The following SLCO2A1 variants were observed in gnomAD, a reference collection of about 807,000 sequenced individuals.
SLCO2A1 encodes the protein matrin F/G 1.
In SLCO2A1, 60 loss-of-function variants were observed where a neutral mutation model predicts 71.7. That is an observed-to-expected ratio of 0.84 (90% CI 0.68 to 1.04). The LOEUF (loss-of-function observed/expected upper bound fraction) is 1.04, where lower values mean the gene tolerates loss of function less well. Ranked by LOEUF, SLCO2A1 falls within the 50% of genes least tolerant of loss-of-function variation. The pLI, the probability that SLCO2A1 is intolerant of heterozygous loss-of-function variation, is 0.00. For synonymous variants in SLCO2A1, 308 were observed against 326.7 expected (o/e 0.94, Z 0.62); for missense variants, 745 against 813.4 (o/e 0.92, Z 1.02).
chr3:133,971,549 G>A (rs997597779), intron 3 of SLCO2A1, among the ~76,000 whole-genome samples: 8 of 152,098 alleles, frequency 5.3e-5, no homozygotes, highest in Admixed American at 1.3e-4. Context: ...CAGGCACTTC[G>A]TTCTCTCCAT....
chr3:133,973,490 T>C (rs1342938563), intron 3 of SLCO2A1, among the ~76,000 whole-genome samples, 173 bp downstream of exon 3: 2 of 152,226 alleles, frequency 1.3e-5, no homozygotes, highest in Non-Finnish European at 2.9e-5. Flanking sequence ...CTGCACACTT[T>C]CCTGAACAAA....
In SLCO2A1 at chr3:133,961,331, A is replaced by G. The variant is rs112526698; in HGVS notation, c.398-6138T>C. Among the ~76,000 whole-genome samples, 4 of 152,240 alleles carry G rather than the reference A, an allele frequency of 2.6e-5. 1 individual carries two copies. Among genetic ancestry groups the G allele is most frequent in the African/African-American group, 9.6e-5 (4 of 41,538 alleles). Reference sequence around the variant, plus strand: ...TGTAGGATAGCAGGGGCATGACATGAGAAACATCACCGGGAAAAGAAAGGG... The same window carrying G: ...TGTAGGATAGCAGGGGCATGACATGGGAAACATCACCGGGAAAAGAAAGGG... On this transcript the variant is annotated intron_variant, in intron 3 of 13. Coordinates refer to ENST00000310926, the MANE Select transcript of SLCO2A1 (RefSeq NM_005630.3).
At chr3:134,023,929 C>T (rs1276613765) in intron 1 of SLCO2A1, among the ~76,000 whole-genome samples, 1 of 152,198 alleles carries the variant, frequency 6.6e-6, no homozygotes, top group Non-Finnish European at 1.5e-5. Context: ...TGCTATATCC[C>T]AAAGTCTGGC....
chr3:133,986,709 C>T lies in SLCO2A1; in HGVS notation c.97-7091G>A, dbSNP rs143009145. Among the ~76,000 whole-genome samples, 84 of 152,278 alleles carry T rather than the reference C, an allele frequency of 5.5e-4. 1 individual carries two copies. Among genetic ancestry groups the T allele is most frequent in the African/African-American group, 1.9e-3 (78 of 41,568 alleles). ...GAAAGGCTAAAAAGCTACTGAGATG[C>T]AAGGTAAATTTGGGGGTGTGGGGGA... On this transcript the variant is annotated intron_variant, in intron 1 of 13. Transcript: ENST00000310926.
At chr3:133,953,489 C>G (rs1433067371) in intron 5 of SLCO2A1, among the ~76,000 whole-genome samples, 174 bp downstream of exon 5, 1 of 152,248 alleles carries the variant, frequency 6.6e-6, no homozygotes, top group Non-Finnish European at 1.5e-5. Flanking sequence ...AGAGAGGAGG[C>G]ACACACTGTC....
chr3:133,948,710 G>T lies in SLCO2A1; in HGVS notation c.941-10C>A, dbSNP rs775049137. The T allele has an allele frequency of 2.0e-5, 33 of 1,612,116 alleles. No homozygotes were observed. In the East Asian group the frequency reaches 7.1e-4, roughly 35 times the overall value. On this transcript the variant is annotated splice_polypyrimidine_tract_variant and intron_variant, in intron 7 of 13. Coordinates refer to ENST00000310926, the MANE Select transcript of SLCO2A1 (RefSeq NM_005630.3). ...AAGATGCATGGAAACCCTGTGAACA[G>T]ACCGCTGTCAAGGCTCTGGCAGAAC...
intron 1 of SLCO2A1, among the ~76,000 whole-genome samples, chr3:134,010,053 A>G (rs559477936): frequency 6.6e-6 from 1 of 152,358 alleles, no homozygotes; most frequent in East Asian, 1.9e-4. Flanking sequence ...AATTTGGTAC[A>G]TAATGGGTGC....
chr3:133,988,238 T>C (rs1339010154), intron 1 of SLCO2A1, among the ~76,000 whole-genome samples: 1 of 152,188 alleles, frequency 6.6e-6, no homozygotes, highest in Non-Finnish European at 1.5e-5. Flanking sequence ...TTACAACCTA[T>C]TCCCTCTGAA....
intron 2 of SLCO2A1, among the ~76,000 whole-genome samples, chr3:133,975,181 G>A (rs960648732): frequency 6.6e-6 from 1 of 152,042 alleles, no homozygotes; most frequent in Non-Finnish European, 1.5e-5. Flanking sequence ...CTCTGCGTGT[G>A]CTTCTAAGTC....
chr3:133,998,257 A>T (rs9834412), intron 1 of SLCO2A1, among the ~76,000 whole-genome samples: 1 of 152,182 alleles, frequency 6.6e-6, no homozygotes, highest in Middle Eastern at 3.4e-3. Context: ...CAGGTGACTT[A>T]GGAAGCAGTC....
intron 1 of SLCO2A1, among the ~76,000 whole-genome samples, chr3:134,027,664 C>G (rs185520136): frequency 6.6e-6 from 1 of 152,330 alleles, no homozygotes; most frequent in East Asian, 1.9e-4. Context: ...ATACATGTCC[C>G]AAGATATGTG....
chr3:134,007,220 CT>C (rs1935240233), intron 1 of SLCO2A1, among the ~76,000 whole-genome samples: 1 of 152,200 alleles, frequency 6.6e-6, no homozygotes. Context: ...GGATATTCAT[CT>C]TTCATCAGAT....
chr3:134,001,149 A>T (rs1935096107), intron 1 of SLCO2A1, among the ~76,000 whole-genome samples: 1 of 149,556 alleles, frequency 6.7e-6, no homozygotes, highest in Admixed American at 6.6e-5. Context: ...ACAGAGTCTC[A>T]CTCTGTCTTC....
At position 134,012,087 on chromosome 3, in the gene SLCO2A1, A is replaced by G. The variant is rs187589063; in HGVS notation, c.96+17620T>C. The stretch of plus-strand genomic sequence containing the variant: ...CTCCTGTCAGTGACCAGAACCAGCA[A>G]TGAAACCTTTGTGATCTGGGACATC... On this transcript the variant is annotated intron_variant, in intron 1 of 13. Transcript: ENST00000310926. Among the ~76,000 whole-genome samples the G allele has an allele frequency of 3.9e-3, 597 of 152,294 alleles. 5 individuals are homozygous for G. Among genetic ancestry groups the G allele is most frequent in the African/African-American group, 0.014 (562 of 41,574 alleles).
rs377254437 is a variant in SLCO2A1, at chr3:133,944,727, A to G, written c.1461+368T>C. 3.2e-4 allele frequency among the ~76,000 whole-genome samples: 49 copies of G among 152,332 alleles called. No individual in the cohort carries two copies. The East Asian group carries it at 8.1e-3, about 25-fold the overall frequency. On this transcript the variant is annotated intron_variant, in intron 10 of 13. Coordinates refer to ENST00000310926, the MANE Select transcript of SLCO2A1 (RefSeq NM_005630.3). ...CACAGAAGCCTAATGCCCTCGATTT[A>G]TCTGGGCCACGGCCAGCCTGCAGGA...
At chr3:134,000,318 C>T (rs1277314702) in intron 1 of SLCO2A1, among the ~76,000 whole-genome samples, 1 of 152,118 alleles carries the variant, frequency 6.6e-6, no homozygotes, top group African/African-American at 2.4e-5. Context: ...GAGTGGTCCT[C>T]TCTTCAATTC....
Position 134,029,903 on chromosome 3 carries a change from A to C in SLCO2A1, c.-101T>G. On this transcript the variant is annotated 5_prime_UTR_variant, in exon 1 of 14. Transcript: ENST00000310926. Reference sequence around the variant, plus strand: ...AGGCGACCGCGGCGGCAGTGGCCGGAGGAGATTCGCGGAGCGGAGACTGAG... The same window carrying C: ...AGGCGACCGCGGCGGCAGTGGCCGGCGGAGATTCGCGGAGCGGAGACTGAG... 2 of 559,178 alleles carry C rather than the reference A, an allele frequency of 3.6e-6. No homozygotes were observed. The highest frequency in any genetic ancestry group is 5.3e-6 in the Non-Finnish European group (2 of 376,018). The allele number at this position is 559,178 out of a possible 1,614,324, so 34.6% of individuals were successfully genotyped here. A position where few individuals can be genotyped will look rare whatever the true frequency, so the allele number is the denominator to read the frequency against.
chr3:133,945,303 C>G (rs1933545365), intron 9 of SLCO2A1, 43 bp from the exon 10 acceptor site: 2 of 1,559,388 alleles, frequency 1.3e-6, no homozygotes, highest in African/African-American at 2.7e-5. Flanking sequence ...AAAGCAAGAC[C>G]AAAGAAAAAC....
At chr3:134,026,777 T>A (rs1935708800) in intron 1 of SLCO2A1, among the ~76,000 whole-genome samples, 1 of 152,224 alleles carries the variant, frequency 6.6e-6, no homozygotes, top group Non-Finnish European at 1.5e-5. Flanking sequence ...AGGAGAGGTC[T>A]GTAGGAAATT....
Sources: allele counts gnomAD v4.1 joint callset (sites outside exome capture counted in the v4.1 genomes callset), GRCh38; gene constraint gnomAD v4.1.1; transcripts MANE v1.5; gene names NCBI Gene and HGNC (gene_info 2026-07-23, HGNC 2026-07-21).